The following NIPAL2 variants were observed in gnomAD, a reference collection of about 807,000 sequenced individuals.
NIPAL2 encodes the protein NIPA like domain containing 2.
In NIPAL2, 43 loss-of-function variants were observed where a neutral mutation model predicts 48.9. That is an observed-to-expected ratio of 0.88 (90% CI 0.69 to 1.13). The LOEUF is 1.13. Ranked by LOEUF, NIPAL2 falls within the 50% of genes most tolerant of loss-of-function variation. The pLI is 0.00. For missense variants in NIPAL2, 446 were observed against 461.4 expected (o/e 0.97, Z 0.31); for synonymous variants, 167 against 174.6 (o/e 0.96, Z 0.34).
rs760280250 is a variant in NIPAL2, at chr8:98,252,453, A to C, written c.376+10T>G. ...TAAGTTTCTATTTGTCAAAATACAG[A>C]ATGGCTTACCTGTAACAGACACACA... On this transcript the variant is annotated intron_variant, in intron 3 of 10. Transcript: ENST00000430223. 10 of 1,578,372 alleles carry C rather than the reference A, an allele frequency of 6.3e-6. No homozygotes were observed. Among genetic ancestry groups the C allele is most frequent in the Non-Finnish European group, 8.6e-6 (10 of 1,160,786 alleles).
intron 4 of NIPAL2, among the ~76,000 whole-genome samples, chr8:98,232,158 C>T (rs1026659714): frequency 6.6e-6 from 1 of 152,022 alleles, no homozygotes; most frequent in African/African-American, 2.4e-5. Flanking sequence ...AAGTGGGTTA[C>T]GACATCTCAG....
intron 6 of NIPAL2, 70 bp from the exon 7 acceptor site, chr8:98,205,316 A>G: frequency 7.2e-7 from 1 of 1,392,754 alleles, no homozygotes; most frequent in Non-Finnish European, 9.9e-7. Context: ...TCTTAAGCTT[A>G]TGTAGTAGAG....
At chr8:98,211,930 A>G (rs917651906) in intron 6 of NIPAL2, among the ~76,000 whole-genome samples, 3 of 152,206 alleles carry the variant, frequency 2.0e-5, no homozygotes, top group Non-Finnish European at 4.4e-5. Context: ...AAAACAAAGT[A>G]AATGGGTTGG....
chr8:98,205,381 A>G, intron 6 of NIPAL2, 135 bp from the exon 7 acceptor site: 1 of 784,598 alleles, frequency 1.3e-6, no homozygotes, highest in Non-Finnish European at 2.0e-6. Flanking sequence ...GAGGTGTAGG[A>G]AGGGATGTGA....
At chr8:98,293,471 G>GAAA (rs922318300) in intron 1 of NIPAL2, among the ~76,000 whole-genome samples, 1 of 152,224 alleles carries the variant, frequency 6.6e-6, no homozygotes, top group Non-Finnish European at 1.5e-5. Context: ...TGCAACCTGA[G>GAAA]AAAATGTGTT....
intron 1 of NIPAL2, among the ~76,000 whole-genome samples, chr8:98,273,703 T>G (rs1226529793): frequency 1.3e-5 from 2 of 152,118 alleles, no homozygotes; most frequent in African/African-American, 2.4e-5. Context: ...TATTTCTTCC[T>G]TAGATTTTTA....
At chr8:98,269,337 A>AT (rs1271784513) in intron 1 of NIPAL2, among the ~76,000 whole-genome samples, 1 of 152,194 alleles carries the variant, frequency 6.6e-6, no homozygotes, top group Non-Finnish European at 1.5e-5. Context: ...TACAAAATGT[A>AT]TTTTTTAACT....
rs548000249 is a variant in NIPAL2 at position 98,279,961 on chromosome 8, C to G, written c.135+14042G>C. Among the ~76,000 whole-genome samples the G allele has an allele frequency of 5.3e-5, 8 of 152,280 alleles. No homozygotes were observed. The South Asian group carries it at 1.5e-3, about 28-fold the overall frequency. On this transcript the variant is annotated intron_variant, in intron 1 of 10. Coordinates refer to ENST00000430223, the MANE Select transcript of NIPAL2 (RefSeq NM_001321635.2). ...CATACAATTTATATAGAATGAGGTT[C>G]AAAATAGCAGCATTGATAAGTATTC...
chr8:98,208,091 A>G (rs1284419296), intron 6 of NIPAL2, among the ~76,000 whole-genome samples: 1 of 152,236 alleles, frequency 6.6e-6, no homozygotes, highest in African/African-American at 2.4e-5. Flanking sequence ...ACTGCCTTCC[A>G]GAGAGTACCA....
In NIPAL2 at chr8:98,203,162, T is replaced by A; in HGVS notation, c.826A>T (p.Thr276Ser). Residue 276 changes from threonine to serine, a missense_variant, in exon 8 of 11, where the codon ACA (threonine) becomes TCA (serine). Physicochemically the swap from Thr to Ser is moderately conservative, Grantham distance 58. Transcript: ENST00000430223. ...ATATGATTAACTGGCACCACTGTTG[T>A]CGTATTGTAGAGTTTCGTGGCTTGA... ...LNQATKLYNTTTVVPVNHIFF... is the reference protein window; with the variant it reads ...LNQATKLYNTSTVVPVNHIFF... The A allele has an allele frequency of 6.2e-7, 1 of 1,614,168 alleles. No homozygotes were observed. The highest frequency in any genetic ancestry group is 8.5e-7 in the Non-Finnish European group (1 of 1,179,994).
At chr8:98,236,076 G>C (rs759498772) in intron 4 of NIPAL2, 79 bp downstream of exon 4, 1 of 1,008,430 alleles carries the variant, frequency 9.9e-7, no homozygotes. Flanking sequence ...AGTTTTTATC[G>C]CACATATTTT....
intron 6 of NIPAL2, 79 bp downstream of exon 6, chr8:98,212,326 C>T: frequency 1.3e-6 from 1 of 746,202 alleles, no homozygotes; most frequent in Non-Finnish European, 2.3e-6. Flanking sequence ...GAGTAGAATG[C>T]TTAAGTATTT....
chr8:98,247,991 T>G (rs1016351074), intron 3 of NIPAL2, among the ~76,000 whole-genome samples: 5 of 152,326 alleles, frequency 3.3e-5, no homozygotes, highest in Non-Finnish European at 5.9e-5. Context: ...ACACAAGTGC[T>G]TTGAAGCCAG....
At chr8:98,252,779 G>A in intron 2 of NIPAL2, 145 bp from the exon 3 acceptor site, 2 of 704,560 alleles carry the variant, frequency 2.8e-6, no homozygotes, top group South Asian at 2.6e-5. Context: ...ACATTTTTGG[G>A]GAATTATTGA....
At chr8:98,219,526 CA>C (rs1219611268) in intron 5 of NIPAL2, among the ~76,000 whole-genome samples, 1 of 151,884 alleles carries the variant, frequency 6.6e-6, no homozygotes, top group African/African-American at 2.4e-5. Flanking sequence ...GAATCAGGAC[CA>C]AAAAAAGCAA....
chr8:98,196,362 GC>G (rs200038328), intron 8 of NIPAL2, among the ~76,000 whole-genome samples: 1,774 of 152,306 alleles, frequency 0.012, 15 homozygotes, highest in Non-Finnish European at 0.018. Context: ...TCAGGGGTCA[GC>G]CAGCCTGGCC....
intron 4 of NIPAL2, among the ~76,000 whole-genome samples, chr8:98,222,996 G>T (rs1237401505): frequency 1.3e-5 from 2 of 152,196 alleles, no homozygotes; most frequent in African/African-American, 4.8e-5. Flanking sequence ...GATCTGTCTA[G>T]ATCTAGATGG....
chr8:98,253,897 T>C, intron 2 of NIPAL2, 122 bp downstream of exon 2: 1 of 585,628 alleles, frequency 1.7e-6, no homozygotes. Flanking sequence ...TCATAAAATA[T>C]ATATTTTTTA....
At chr8:98,199,064 C>G (rs781113655) in intron 8 of NIPAL2, among the ~76,000 whole-genome samples, 1 of 151,138 alleles carries the variant, frequency 6.6e-6, no homozygotes, top group African/African-American at 2.4e-5. Flanking sequence ...TCAAGCAATT[C>G]TCCTGCCTCA....
Sources: allele counts gnomAD v4.1 joint callset (sites outside exome capture counted in the v4.1 genomes callset), GRCh38; gene constraint gnomAD v4.1.1; transcripts MANE v1.5; gene names NCBI Gene and HGNC (gene_info 2026-07-23, HGNC 2026-07-21).